LRRC28: variants seen among roughly 807,000 people sequenced by gnomAD.
The protein encoded by LRRC28 is leucine-rich repeat-containing protein 28.
A neutral mutation model predicts 45.7 loss-of-function variants in LRRC28; 39 were observed. The ratio of observed to expected loss-of-function variants is 0.85; its 90% CI spans 0.66 to 1.12. The LOEUF is 1.12. LRRC28 is among the 50% of genes most tolerant of loss of function. The pLI, the probability that LRRC28 is intolerant of heterozygous loss-of-function variation, is 0.00. For synonymous variants in LRRC28, 206 were observed against 178.8 expected (o/e 1.15, Z -1.22); for missense variants, 435 against 438.5 (o/e 0.99, Z 0.07).
Position 99,390,117 on chromosome 15 carries a change from C to CAA in LRRC28, c.*4023_*4024dup, listed in dbSNP as rs144619066. 2.0e-5 allele frequency: 3 copies of CAA among 151,516 alleles called. No individual in the cohort carries two copies. The highest frequency in any genetic ancestry group is 6.6e-5 in the Admixed American group (1 of 15,208). 9.4% of individuals were successfully genotyped at this position (151,516 alleles called of 1,614,324 possible). ...TGGGCAACAGAGCGAGACTCCGTCT[C>CAA]AAAAAAAAATCATTCAAGTTTCACT... is the stretch of plus-strand genomic sequence containing the variant. On this transcript the variant is annotated 3_prime_UTR_variant, in exon 10 of 10. Transcript: ENST00000301981.
At chr15:99,292,905 T>G (rs1182825928) in intron 5 of LRRC28, among the ~76,000 whole-genome samples, 1 of 152,236 alleles carries the variant, frequency 6.6e-6, no homozygotes, top group Non-Finnish European at 1.5e-5. Context: ...TTATTCAGCT[T>G]GTTTTAGTTG....
chr15:99,265,367 C>T (rs1369495125), intron 2 of LRRC28, among the ~76,000 whole-genome samples: 4 of 152,054 alleles, frequency 2.6e-5, no homozygotes, highest in Admixed American at 1.3e-4. Context: ...AGAGTGAATA[C>T]GGAGAATGGA....
chr15:99,305,013 TG>T (rs1333426671), intron 5 of LRRC28, among the ~76,000 whole-genome samples: 1 of 152,192 alleles, frequency 6.6e-6, no homozygotes, highest in African/African-American at 2.4e-5. Context: ...CCCAATCTTG[TG>T]GACCTGCTCG....
chr15:99,306,357 A>G (rs911972586), intron 5 of LRRC28, among the ~76,000 whole-genome samples: 1 of 152,240 alleles, frequency 6.6e-6, no homozygotes, highest in Non-Finnish European at 1.5e-5. Flanking sequence ...TGAGCTTTGC[A>G]CTTTGCAAAT....
chr15:99,257,671 T>C (rs1216928232), intron 2 of LRRC28: 1 of 746,562 alleles, frequency 1.3e-6, no homozygotes, highest in Non-Finnish European at 2.5e-6. Context: ...TGCGTCCTGC[T>C]GACCTTCGGG....
At chr15:99,287,378 C>T in intron 4 of LRRC28, 84 bp downstream of exon 4, 1 of 1,057,472 alleles carries the variant, frequency 9.5e-7, no homozygotes, top group East Asian at 2.9e-5. Flanking sequence ...ATTTTTAAGA[C>T]ACCTTTAATT....
intron 3 of LRRC28, chr15:99,285,414 C>T: frequency 2.6e-6 from 2 of 755,822 alleles, no homozygotes; most frequent in Middle Eastern, 3.7e-4. Flanking sequence ...ACCCAAAGCC[C>T]CTGGCGTGCT....
At chr15:99,376,038 G>C (rs1957620998) in intron 9 of LRRC28, among the ~76,000 whole-genome samples, 1 of 151,954 alleles carries the variant, frequency 6.6e-6, no homozygotes, top group Non-Finnish European at 1.5e-5. Flanking sequence ...CACTAGAAAA[G>C]AGGAAAAGTC....
chr15:99,376,529 T>C (rs563833032), intron 9 of LRRC28, among the ~76,000 whole-genome samples: 133 of 152,326 alleles, frequency 8.7e-4, no homozygotes, highest in African/African-American at 3.0e-3. Flanking sequence ...TTTATTTTCA[T>C]TTAGTTGAAA....
intron 5 of LRRC28, among the ~76,000 whole-genome samples, chr15:99,317,824 G>A (rs1443018274): frequency 6.6e-6 from 1 of 152,134 alleles, no homozygotes; most frequent in Admixed American, 6.5e-5. Flanking sequence ...GCGTTGAACT[G>A]TTTGCTATTC....
intron 2 of LRRC28, among the ~76,000 whole-genome samples, chr15:99,271,137 G>C (rs564705725): frequency 2.2e-4 from 34 of 152,092 alleles, no homozygotes; most frequent in East Asian, 1.9e-4. Flanking sequence ...GAATTGTAAG[G>C]GTTCTTTTTA....
chr15:99,296,412 T>C (rs2082264271), intron 5 of LRRC28, among the ~76,000 whole-genome samples: 1 of 152,200 alleles, frequency 6.6e-6, no homozygotes. Context: ...TATTCAAGGC[T>C]CTTCACCCCA....
chr15:99,318,213 A>G (rs546904645), intron 5 of LRRC28, among the ~76,000 whole-genome samples: 5 of 152,184 alleles, frequency 3.3e-5, no homozygotes, highest in Non-Finnish European at 7.4e-5. Flanking sequence ...AGCATTATAT[A>G]TACACGTTTA....
rs766579559 is a variant in LRRC28 at position 99,386,211 on chromosome 15, C to G, written c.*109C>G. The G allele has an allele frequency of 1.2e-6, 1 of 840,344 alleles. No homozygotes were observed. The highest frequency in any genetic ancestry group is 2.0e-6 in the Non-Finnish European group (1 of 503,128). The allele number at this position is 840,344 out of a possible 1,614,324, so 52.1% of individuals were successfully genotyped here. On this transcript the variant is annotated 3_prime_UTR_variant, in exon 10 of 10. Coordinates refer to ENST00000301981, the MANE Select transcript of LRRC28 (RefSeq NM_144598.5). ...TCCAATGCGGGGGCACTGCAGAACTCTCTAGAAATGTCATGATTGAGCTTC... is the reference window on the plus strand; with the variant it reads ...TCCAATGCGGGGGCACTGCAGAACTGTCTAGAAATGTCATGATTGAGCTTC...
intron 3 of LRRC28, chr15:99,284,797 C>G (rs1319998319): frequency 2.2e-5 from 12 of 538,360 alleles, no homozygotes; most frequent in Non-Finnish European, 4.4e-5. Context: ...TTGTCAAAAT[C>G]ATTGTAGCTT....
intron 2 of LRRC28, chr15:99,259,150 C>T (rs959839833): frequency 6.1e-6 from 8 of 1,307,318 alleles, no homozygotes; most frequent in Non-Finnish European, 8.9e-6. Context: ...TTCTTAGGTT[C>T]CAGTCTTCTC....
intron 5 of LRRC28, chr15:99,317,316 T>C (rs1194828230): frequency 6.6e-6 from 1 of 152,212 alleles, no homozygotes; most frequent in Non-Finnish European, 1.5e-5. Context: ...CTTTACATGT[T>C]CTATGAAAAA....
intron 2 of LRRC28, among the ~76,000 whole-genome samples, chr15:99,264,519 C>T (rs569601634): frequency 1.4e-4 from 21 of 152,256 alleles, no homozygotes; most frequent in African/African-American, 4.8e-4. Context: ...AGGTGGGGAC[C>T]GAGCAATAGT....
chr15:99,385,272 G>C lies in LRRC28; in HGVS notation c.1032-758G>C, dbSNP rs867633172. On this transcript the variant is annotated intron_variant, in intron 9 of 9. Transcript: ENST00000301981. ...CAACTTTGCTGGTAAAGTCTACAGA[G>C]GTCCCCTTCCTGGGCCACAGGGAAA... 7.2e-5 allele frequency among the ~76,000 whole-genome samples: 11 copies of C among 152,340 alleles called. No individual in the cohort carries two copies. The Middle Eastern group carries it at 0.02, about 283-fold the overall frequency.
Sources: allele counts gnomAD v4.1 joint callset (sites outside exome capture counted in the v4.1 genomes callset), GRCh38; gene constraint gnomAD v4.1.1; transcripts MANE v1.5; gene names NCBI Gene and HGNC (gene_info 2026-07-23, HGNC 2026-07-21).